NRCAM: variants seen among roughly 807,000 people sequenced by gnomAD.
The protein encoded by NRCAM is NgCAM-related cell adhesion molecule.
NRCAM carries 83 observed loss-of-function variants against 156.5 expected under a neutral mutation model. That is an observed-to-expected ratio of 0.53 (90% CI 0.44 to 0.64). The LOEUF is 0.64. Ranked by LOEUF, NRCAM falls within the 30% of genes least tolerant of loss-of-function variation. The pLI is 0.00. For synonymous variants in NRCAM, 538 were observed against 563.9 expected, an observed-to-expected ratio of 0.95 and a Z score of 0.65; for missense variants, 1,417 against 1,597.3, an observed-to-expected ratio of 0.89 and a Z score of 1.92.
At chr7:108,152,831 A>G (rs2042563944) in intron 32 of NRCAM, among the ~76,000 whole-genome samples, 1 of 152,190 alleles carries the variant, frequency 6.6e-6, no homozygotes, top group Non-Finnish European at 1.5e-5. Context: ...GATGACTGTG[A>G]CTTGGACCAG....
At chr7:108,364,397 T>C (rs2099578953) in intron 2 of NRCAM, among the ~76,000 whole-genome samples, 1 of 152,154 alleles carries the variant, frequency 6.6e-6, no homozygotes, top group Non-Finnish European at 1.5e-5. Context: ...CCCTCATACA[T>C]TGCTAATGGG....
chr7:108,431,376 G>C (rs546347905), intron 1 of NRCAM, among the ~76,000 whole-genome samples: 287 of 152,310 alleles, frequency 1.9e-3, no homozygotes, highest in African/African-American at 6.5e-3. Flanking sequence ...TCTAGACCTT[G>C]CATGGCACTG....
intron 2 of NRCAM, among the ~76,000 whole-genome samples, chr7:108,336,956 G>A (rs2099201083): frequency 6.6e-6 from 1 of 151,996 alleles, no homozygotes; most frequent in African/African-American, 2.4e-5. Flanking sequence ...AATGTATTTT[G>A]CATTATAGTG....
chr7:108,177,653 A>ATG (rs2061317945), intron 26 of NRCAM, among the ~76,000 whole-genome samples: 1 of 16,416 alleles, frequency 6.1e-5, no homozygotes, highest in African/African-American at 1.1e-4. Context: ...ATATATATAT[A>ATG]TATATATGTA....
At chr7:108,430,223 TAC>T (rs78223615) in intron 1 of NRCAM, among the ~76,000 whole-genome samples, 11,992 of 152,256 alleles carry the variant, frequency 0.079, 541 homozygotes, top group African/African-American at 0.13. Context: ...TAAAGTTATT[TAC>T]AGTGTCATGA....
At chr7:108,190,070 A>T (rs111874241) in intron 19 of NRCAM, among the ~76,000 whole-genome samples, 74 of 152,352 alleles carry the variant, frequency 4.9e-4, no homozygotes, top group African/African-American at 1.7e-3. Context: ...CAAACATGAA[A>T]AATAATAAGC....
chr7:108,151,692 G>C (rs1026791541), intron 32 of NRCAM, among the ~76,000 whole-genome samples: 1 of 152,200 alleles, frequency 6.6e-6, no homozygotes, highest in Non-Finnish European at 1.5e-5. Flanking sequence ...CTGTGTTTGT[G>C]AGCATTTCAG....
Position 108,160,510 on chromosome 7 carries a change from G to T in NRCAM, c.3467-18C>A. The T allele has an allele frequency of 6.2e-7, 1 of 1,611,002 alleles. No individual in the cohort carries two copies. Among genetic ancestry groups the T allele is most frequent in the Non-Finnish European group, 8.5e-7 (1 of 1,178,660 alleles). ...TGCCATCGCTGGAAAACAAATCAAT[G>T]GTGTTGGTGGCAATAGGTTAAGGGG... is the stretch of plus-strand genomic sequence containing the variant. On this transcript the variant is annotated intron_variant, in intron 30 of 32. Transcript: ENST00000379028.
chr7:108,336,402 C>T (rs749745119), intron 2 of NRCAM, among the ~76,000 whole-genome samples: 19 of 152,158 alleles, frequency 1.2e-4, no homozygotes, highest in South Asian at 2.1e-4. Context: ...AAAACCAGAG[C>T]GATTAGCTGA....
intron 1 of NRCAM, among the ~76,000 whole-genome samples, chr7:108,450,006 T>C (rs764919587): frequency 1.3e-5 from 2 of 152,056 alleles, no homozygotes; most frequent in Non-Finnish European, 2.9e-5. Flanking sequence ...ATTCAAAATA[T>C]AGTTTCCAGC....
chr7:108,203,206 A>AAATTAAATTAC (rs2079123969), intron 13 of NRCAM, among the ~76,000 whole-genome samples: 1 of 152,204 alleles, frequency 6.6e-6, no homozygotes, highest in Non-Finnish European at 1.5e-5. Flanking sequence ...ATTACACAAT[A>AAATTAAATTAC]AAATTAAAGC....
At chr7:108,348,150 C>T (rs2099383332) in intron 2 of NRCAM, among the ~76,000 whole-genome samples, 1 of 152,188 alleles carries the variant, frequency 6.6e-6, no homozygotes, top group Admixed American at 6.5e-5. Flanking sequence ...TGTGTCGTAT[C>T]TCCTTTGCTG....
chr7:108,407,482 G>T lies in NRCAM; in HGVS notation c.-331-7889C>A, dbSNP rs541317672. On this transcript the variant is annotated intron_variant, in intron 1 of 32. Coordinates refer to ENST00000379028, the MANE Select transcript of NRCAM (RefSeq NM_001037132.4). ...GTGAAGTTCCATTTCTCTCATCTAA[G>T]ATTGTGATCAACTGAACCGAGAGTA... 4.6e-5 allele frequency among the ~76,000 whole-genome samples: 7 copies of T among 152,252 alleles called. No individual in the cohort carries two copies. The South Asian group carries it at 1.5e-3, about 32-fold the overall frequency.
intron 1 of NRCAM, among the ~76,000 whole-genome samples, chr7:108,449,305 T>A (rs1250810336): frequency 1.3e-5 from 2 of 152,222 alleles, no homozygotes; most frequent in African/African-American, 4.8e-5. Context: ...GAAGCTATAA[T>A]TCAAATTTCA....
chr7:108,193,770 T>C (rs2073525169), intron 17 of NRCAM, among the ~76,000 whole-genome samples: 1 of 152,222 alleles, frequency 6.6e-6, no homozygotes, highest in East Asian at 1.9e-4. Context: ...CTGAGGGTTT[T>C]TTCCCATCCT....
intron 3 of NRCAM, among the ~76,000 whole-genome samples, chr7:108,272,399 G>A (rs79833720): frequency 6.6e-6 from 1 of 152,150 alleles, no homozygotes; most frequent in Non-Finnish European, 1.5e-5. Context: ...TAAAGTAGGG[G>A]TTAGTGCAGG....
At chr7:108,419,991 A>C (rs1807078239) in intron 1 of NRCAM, among the ~76,000 whole-genome samples, 1 of 152,094 alleles carries the variant, frequency 6.6e-6, no homozygotes, top group Non-Finnish European at 1.5e-5. Context: ...ATTTGGTAGC[A>C]AACCAAGAAT....
chr7:108,289,326 T>C (rs2098212670), intron 3 of NRCAM, among the ~76,000 whole-genome samples: 1 of 152,146 alleles, frequency 6.6e-6, no homozygotes, highest in Non-Finnish European at 1.5e-5. Context: ...ATATATTCAT[T>C]GTGGAATGGC....
At chr7:108,453,143 T>C (rs1852414904) in intron 1 of NRCAM, among the ~76,000 whole-genome samples, 1 of 152,202 alleles carries the variant, frequency 6.6e-6, no homozygotes, top group Non-Finnish European at 1.5e-5. Flanking sequence ...ACACAGTAAA[T>C]ATTTATTAAA....
Sources: gnomAD v4.1 joint callset for allele counts (sites outside exome capture counted in the v4.1 genomes callset) on GRCh38, gnomAD v4.1.1 for gene constraint, MANE v1.5 for transcripts, NCBI Gene and HGNC (gene_info 2026-07-23, HGNC 2026-07-21) for gene names.